Variants in CALB2 observed in about 807,000 individuals in gnomAD.
The protein encoded by CALB2 is calbindin 2, also known as calretinin.
CALB2 carries 34 observed loss-of-function variants against 45.9 expected under a neutral mutation model. The ratio of observed to expected loss-of-function variants is 0.74; its 90% CI spans 0.56 to 0.99. CALB2 has a LOEUF of 0.99. Among genes scored for constraint, CALB2 ranks in the 50% least tolerant of loss-of-function variants. CALB2 has a pLI of 0.00. For missense variants in CALB2, 344 were observed against 339.3 expected (o/e 1.01, Z -0.11); for synonymous variants, 142 against 129.6 (o/e 1.10, Z -0.65).
chr16:71,373,757 G>A (rs1010245341), intron 2 of CALB2, among the ~76,000 whole-genome samples: 2 of 152,214 alleles, frequency 1.3e-5, no homozygotes, highest in Non-Finnish European at 2.9e-5. Context: ...TAACTTCACA[G>A]GAGCTACTGT....
chr16:71,362,163 C>A lies in CALB2; in HGVS notation c.94+3277C>A, dbSNP rs141324949. 2.2e-3 allele frequency among the ~76,000 whole-genome samples: 337 copies of A among 152,298 alleles called. 1 individual carries two copies. Among genetic ancestry groups the A allele is most frequent in the African/African-American group, 7.3e-3 (304 of 41,568 alleles). ...CTTCCTGGACACTTCTGTATCAGGA[C>A]CTTTCCCCCTCTAAAGGATCCAGGT... On this transcript the variant is annotated intron_variant, in intron 1 of 10. Transcript: ENST00000302628.
chr16:71,384,165 C>T (rs985784041), intron 7 of CALB2, 140 bp downstream of exon 7: 82 of 1,048,064 alleles, frequency 7.8e-5, no homozygotes, highest in Non-Finnish European at 9.8e-5. Flanking sequence ...GAATTGTGAC[C>T]GTCAACACCT....
In CALB2 at chr16:71,384,326, AT is replaced by A; in HGVS notation, c.534-9del. 1 of 1,611,896 alleles carries A rather than the reference AT, an allele frequency of 6.2e-7. No individual in the cohort carries two copies. Among genetic ancestry groups the A allele is most frequent in the Non-Finnish European group, 8.5e-7 (1 of 1,178,900 alleles). On this transcript the variant is annotated splice_polypyrimidine_tract_variant and intron_variant, in intron 7 of 10. Coordinates refer to ENST00000302628, the MANE Select transcript of CALB2 (RefSeq NM_001740.5). ...GCAGTCTCCTCATCTCTGCTCTAAC[AT>A]TTTCTCCCCAGACTCCTGCCTGTCC...
At chr16:71,375,923 C>G (rs1326252908) in intron 3 of CALB2, among the ~76,000 whole-genome samples, 1 of 152,220 alleles carries the variant, frequency 6.6e-6, no homozygotes, top group Non-Finnish European at 1.5e-5. Flanking sequence ...CCCAGCGGGG[C>G]AGCTCTGGTC....
chr16:71,374,340 A>G (rs2042385902), intron 2 of CALB2, among the ~76,000 whole-genome samples: 1 of 152,160 alleles, frequency 6.6e-6, no homozygotes, highest in African/African-American at 2.4e-5. Flanking sequence ...AGTGCTTAGA[A>G]CCTATTAGGG....
chr16:71,379,630 A>G (rs1405088726), intron 4 of CALB2, among the ~76,000 whole-genome samples: 2 of 152,200 alleles, frequency 1.3e-5, no homozygotes, highest in African/African-American at 4.8e-5. Flanking sequence ...GCCTGCTCTG[A>G]TAAATAATAA....
chr16:71,384,479 CCCACACACA>C (rs1037319764), intron 8 of CALB2, 101 bp downstream of exon 8: 22 of 814,028 alleles, frequency 2.7e-5, no homozygotes, highest in African/African-American at 9.5e-5. Flanking sequence ...ACTACACACA[CCCACACACA>C]CCACACACAC....
chr16:71,363,134 A>T (rs1028147652), intron 1 of CALB2, among the ~76,000 whole-genome samples: 6 of 152,208 alleles, frequency 3.9e-5, no homozygotes, highest in Non-Finnish European at 8.8e-5. Flanking sequence ...GCAGTGAGCT[A>T]TGATTGCACC....
At chr16:71,359,141 A>G (rs1242048909) in intron 1 of CALB2, among the ~76,000 whole-genome samples, 2 of 152,164 alleles carry the variant, frequency 1.3e-5, no homozygotes, top group Non-Finnish European at 2.9e-5. Context: ...AGCAAGTGGG[A>G]GCTTTCTCAG....
chr16:71,382,568 A>C, intron 4 of CALB2, 151 bp from the exon 5 acceptor site: 3 of 654,788 alleles, frequency 4.6e-6, no homozygotes, highest in South Asian at 5.1e-5. Context: ...TGTGACCTTG[A>C]AGGGTCTGGG....
chr16:71,374,222 G>C (rs910001297), intron 2 of CALB2, among the ~76,000 whole-genome samples: 2 of 152,188 alleles, frequency 1.3e-5, no homozygotes, highest in African/African-American at 4.8e-5. Context: ...TCGGCTACAT[G>C]ATGACCTCCT....
intron 4 of CALB2, among the ~76,000 whole-genome samples, chr16:71,382,310 GCTTT>G (rs1485260696): frequency 6.6e-6 from 1 of 152,188 alleles, no homozygotes; most frequent in African/African-American, 2.4e-5. Flanking sequence ...CCCTCCTGTG[GCTTT>G]CTCTCTTCTC....
intron 3 of CALB2, 40 bp from the exon 4 acceptor site, chr16:71,377,627 T>C: frequency 7.0e-7 from 1 of 1,433,694 alleles, no homozygotes; most frequent in Non-Finnish European, 9.8e-7. Flanking sequence ...CCCTGTCAAG[T>C]CCCTCCATAA....
At chr16:71,388,346 A>AG (rs1555527410) in intron 10 of CALB2, among the ~76,000 whole-genome samples, 42 of 137,154 alleles carry the variant, frequency 3.1e-4, no homozygotes, top group Non-Finnish European at 5.6e-4. Flanking sequence ...AAAAAAAAAA[A>AG]AAAAAGAAAA....
At chr16:71,376,495 A>G (rs928310725) in intron 3 of CALB2, among the ~76,000 whole-genome samples, 5 of 152,010 alleles carry the variant, frequency 3.3e-5, no homozygotes, top group Non-Finnish European at 7.4e-5. Context: ...GCATCCACAT[A>G]CATCCACATA....
At chr16:71,359,630 C>T (rs969312640) in intron 1 of CALB2, among the ~76,000 whole-genome samples, 1 of 152,178 alleles carries the variant, frequency 6.6e-6, no homozygotes, top group African/African-American at 2.4e-5. Flanking sequence ...GGTCTTGACA[C>T]TGACTCACCC....
Position 71,382,740 on chromosome 16 carries a change from G to A in CALB2, c.364G>A (p.Asp122Asn). 1 of 1,612,288 alleles carries A rather than the reference G, an allele frequency of 6.2e-7. No homozygotes were observed. The highest frequency in any genetic ancestry group is 8.5e-7 in the Non-Finnish European group (1 of 1,179,250). Residue 122 changes from aspartate (D) to asparagine (N), a missense_variant, in exon 5 of 11, where the codon GAC (aspartate) becomes AAC (asparagine). Physicochemically the swap from Asp to Asn is conservative, Grantham distance 23. This residue lies in a region of CALB2 where 263 missense variants were observed against 241.7 expected (regional missense o/e 1.09). Coordinates refer to ENST00000302628, the MANE Select transcript of CALB2 (RefSeq NM_001740.5). ...GCAGGCTTGGCGGAAGTACGACACA[G>A]ACAGGAGTGGCTACATCGAAGCCAA... Reference protein sequence around the residue: ...FMEAWRKYDTDRSGYIEANEL... With the variant: ...FMEAWRKYDTNRSGYIEANEL...
intron 10 of CALB2, among the ~76,000 whole-genome samples, chr16:71,388,891 G>A (rs2042603138): frequency 6.6e-6 from 1 of 151,658 alleles, no homozygotes; most frequent in African/African-American, 2.4e-5. Context: ...CCAGCTATTC[G>A]GGAGGCTAAG....
At chr16:71,382,117 G>A (rs76951776) in intron 4 of CALB2, among the ~76,000 whole-genome samples, 4 of 78,784 alleles carry the variant, frequency 5.1e-5, no homozygotes, top group South Asian at 3.8e-4. Context: ...AGGGAAGAAA[G>A]GAAGAAAAAG....
Sources: allele counts gnomAD v4.1 joint callset (sites outside exome capture counted in the v4.1 genomes callset), GRCh38; gene constraint gnomAD v4.1.1; regional missense constraint gnomAD v4.1.1; transcripts MANE v1.5; gene names NCBI Gene and HGNC (gene_info 2026-07-23, HGNC 2026-07-21).